The following ERC1 variants were observed in gnomAD, a reference collection of about 807,000 sequenced individuals.
ERC1 encodes RAB6 interacting protein 2.
Under a neutral mutation model 132.0 loss-of-function variants are expected in ERC1, and 56 were observed. That is an observed-to-expected ratio of 0.42 (90% CI 0.34 to 0.53). ERC1 has a LOEUF of 0.53. ERC1 is among the 20% of genes least tolerant of loss of function. ERC1 has a pLI of 0.03. For synonymous variants in ERC1, 478 were observed against 476.1 expected (o/e 1.00, Z -0.05); for missense variants, 1,202 against 1,349.9 (o/e 0.89, Z 1.72).
At chr12:1,376,885 T>C (rs1454665529) in intron 16 of ERC1, among the ~76,000 whole-genome samples, 2 of 152,224 alleles carry the variant, frequency 1.3e-5, no homozygotes, top group East Asian at 1.9e-4. Flanking sequence ...GTTTCCCTTT[T>C]CACTGTTCCA....
At chr12:1,332,224 A>G (rs1270767054) in intron 15 of ERC1, among the ~76,000 whole-genome samples, 1 of 152,124 alleles carries the variant, frequency 6.6e-6, no homozygotes, top group Non-Finnish European at 1.5e-5. Context: ...TTATTTTGCT[A>G]AAGAGCATTT....
chr12:1,357,599 A>G (rs1015889115), intron 15 of ERC1, among the ~76,000 whole-genome samples: 7 of 152,358 alleles, frequency 4.6e-5, no homozygotes, highest in Admixed American at 2.6e-4. Flanking sequence ...AAAAGTAGAC[A>G]TATATAACAA....
In ERC1 at chr12:1,282,848, CT is replaced by C. The variant is rs2078775139; in HGVS notation, c.2620-7003del. Among the ~76,000 whole-genome samples, 4 of 152,202 alleles carry C rather than the reference CT, an allele frequency of 2.6e-5. No homozygotes were observed. In the East Asian group the frequency reaches 7.7e-4, roughly 29 times the overall value. ...AGTGACAATCTGGCTTGCATGGTGA[CT>C]GCTGAACCTCTGGATAATCTTTTTG... is the stretch of plus-strand genomic sequence containing the variant. On this transcript the variant is annotated intron_variant, in intron 14 of 18. Coordinates refer to ENST00000360905, the MANE Select transcript of ERC1 (RefSeq NM_178040.4).
At chr12:1,014,365 G>C (rs1248435402) in intron 1 of ERC1, among the ~76,000 whole-genome samples, 6 of 151,884 alleles carry the variant, frequency 4.0e-5, no homozygotes, top group Non-Finnish European at 7.4e-5. Context: ...TGGTAGAGAC[G>C]GGGTTTCACC....
intron 18 of ERC1, among the ~76,000 whole-genome samples, chr12:1,475,195 A>G (rs995942465): frequency 3.3e-5 from 5 of 152,206 alleles, no homozygotes; most frequent in African/African-American, 9.7e-5. Flanking sequence ...CTGTCTACCA[A>G]AGGGCCTGTA....
chr12:1,236,579 A>G (rs1229867053), intron 12 of ERC1, among the ~76,000 whole-genome samples, 190 bp from the exon 13 acceptor site: 1 of 152,178 alleles, frequency 6.6e-6, no homozygotes, highest in Non-Finnish European at 1.5e-5. Flanking sequence ...TTTATGGGAA[A>G]ACTTATTTTT....
At chr12:1,299,314 A>G (rs1450274613) in intron 15 of ERC1, among the ~76,000 whole-genome samples, 5 of 152,226 alleles carry the variant, frequency 3.3e-5, no homozygotes, top group African/African-American at 7.2e-5. Flanking sequence ...AGACTGAGAT[A>G]TGCTAAAGTT....
At chr12:1,332,620 C>T (rs893185447) in intron 15 of ERC1, among the ~76,000 whole-genome samples, 1 of 152,158 alleles carries the variant, frequency 6.6e-6, no homozygotes, top group African/African-American at 2.4e-5. Flanking sequence ...GTAGCCGTCT[C>T]TTTAGGATGG....
At chr12:1,358,032 G>A (rs1375905165) in intron 15 of ERC1, among the ~76,000 whole-genome samples, 1 of 152,092 alleles carries the variant, frequency 6.6e-6, no homozygotes, top group Non-Finnish European at 1.5e-5. Context: ...GATAGCCCTT[G>A]CCAGGAAAAT....
chr12:1,166,023 CTG>C (rs1263468296), intron 8 of ERC1, among the ~76,000 whole-genome samples: 2 of 152,174 alleles, frequency 1.3e-5, no homozygotes, highest in Admixed American at 6.5e-5. Flanking sequence ...AGACCTTCGA[CTG>C]TGAACTTTTG....
chr12:1,437,829 A>G lies in ERC1; in HGVS notation c.3025-6733A>G, dbSNP rs529676062. ...AATTGGCAACAGATTTGTGAGCTGT[A>G]AAACTAAGAAGAAATGATCATTTGT... On this transcript the variant is annotated intron_variant, in intron 17 of 18. Transcript: ENST00000360905. Among the ~76,000 whole-genome samples the G allele has an allele frequency of 2.0e-5, 3 of 152,352 alleles. No homozygotes were observed. In the East Asian group the frequency reaches 5.8e-4, roughly 29 times the overall value.
At position 1,460,958 on chromosome 12, in the gene ERC1, C is replaced by CTTTTTTTTTTTTTTTTTTTTTT. The variant is rs35505633; in HGVS notation, c.3213+16210_3213+16231dup. Among the ~76,000 whole-genome samples the CTTTTTTTTTTTTTTTTTTTTTT allele has an allele frequency of 2.0e-4, 13 of 64,910 alleles. 1 individual carries two copies. The highest frequency in any genetic ancestry group is 7.3e-4 in the African/African-American group (12 of 16,488). 42.6% of individuals were successfully genotyped at this position (64,910 alleles called of 152,430 possible). Reference sequence around the variant, plus strand: ...GACTTGCCTAAACGATGAGGAGGCCCTTTTTTTTTTTTTTTTTTTTTTTCA... The same window carrying CTTTTTTTTTTTTTTTTTTTTTT: ...GACTTGCCTAAACGATGAGGAGGCCCTTTTTTTTTTTTTTTTTTTTTTTTTTTTTTTTTTTTTTTTTTTTTCA... On this transcript the variant is annotated intron_variant, in intron 18 of 18. Transcript: ENST00000360905.
rs35535185 is a variant in ERC1, at chr12:1,375,733, C to CTTTTTT, written c.2925+3773_2925+3778dup. ...GTCTCAGTAAGCATGGCTCTTGTTC[C>CTTTTTT]TTTTTTTTTTTTTTTTTTTTTTGAG... On this transcript the variant is annotated intron_variant, in intron 16 of 18. Coordinates refer to ENST00000360905, the MANE Select transcript of ERC1 (RefSeq NM_178040.4). Among the ~76,000 whole-genome samples, 200 of 107,094 alleles carry CTTTTTT rather than the reference C, an allele frequency of 1.9e-3. 2 individuals are homozygous for CTTTTTT. Among genetic ancestry groups the CTTTTTT allele is most frequent in the East Asian group, 2.3e-3 (9 of 3,918 alleles). The allele number at this position is 107,094 out of a possible 152,430, so 70.3% of individuals were successfully genotyped here.
At chr12:1,333,647 C>G (rs961476118) in intron 15 of ERC1, among the ~76,000 whole-genome samples, 1 of 152,094 alleles carries the variant, frequency 6.6e-6, no homozygotes, top group African/African-American at 2.4e-5. Context: ...TTTCTTTAGT[C>G]TATCATTGAT....
chr12:1,051,529 CAAAAAAAAAAAAAA>C (rs35353366), intron 2 of ERC1, among the ~76,000 whole-genome samples: 60,717 of 129,410 alleles, frequency 0.47, 15,622 homozygotes, highest in East Asian at 0.71. Flanking sequence ...GTCTCTACCC[CAAAAAAAAAAAAAA>C]AAAAAAAAAA....
chr12:1,128,190 C>T (rs2154235676), intron 7 of ERC1, among the ~76,000 whole-genome samples: 1 of 152,160 alleles, frequency 6.6e-6, no homozygotes, highest in Middle Eastern at 3.4e-3. Flanking sequence ...TCCCCTGAAC[C>T]AATAATGGGA....
chr12:1,352,767 T>G (rs2154367193), intron 15 of ERC1, among the ~76,000 whole-genome samples: 1 of 152,374 alleles, frequency 6.6e-6, no homozygotes, highest in African/African-American at 2.4e-5. Context: ...TCGGAGACTG[T>G]AGCACTTGTT....
At chr12:1,391,505 A>C (rs536472758) in intron 16 of ERC1, 1 of 152,454 alleles carries the variant, frequency 6.6e-6, no homozygotes. Flanking sequence ...TTACTGCTCC[A>C]TGGAGGTGGA....
At chr12:1,385,381 C>G (rs1334012221) in intron 16 of ERC1, among the ~76,000 whole-genome samples, 1 of 152,116 alleles carries the variant, frequency 6.6e-6, no homozygotes, top group Non-Finnish European at 1.5e-5. Flanking sequence ...CTCCCGGGTT[C>G]ACGCCATTCT....
Sources: gnomAD v4.1 joint callset for allele counts (sites outside exome capture counted in the v4.1 genomes callset) on GRCh38, gnomAD v4.1.1 for gene constraint, MANE v1.5 for transcripts, NCBI Gene and HGNC (gene_info 2026-07-23, HGNC 2026-07-21) for gene names.